The following ZNF681 variants were observed in gnomAD, a reference collection of about 807,000 sequenced individuals.
ZNF681 encodes the protein zinc finger protein 681, also known as hypothetical protein FLJ31526.
In ZNF681, 37 loss-of-function variants were observed where a neutral mutation model predicts 56.0. The ratio of observed to expected loss-of-function variants is 0.66; its 90% CI spans 0.51 to 0.87. The LOEUF is 0.87. ZNF681 is among the 40% of genes least tolerant of loss of function. ZNF681 has a pLI of 0.00. For missense variants in ZNF681, 741 were observed against 744.9 expected (o/e 0.99, Z 0.06); for synonymous variants, 225 against 248.6 (o/e 0.91, Z 0.89).
At chr19:23,752,518 TAC>T (rs10533813) in intron 3 of ZNF681, among the ~76,000 whole-genome samples, 148,970 of 152,244 alleles carry the variant, frequency 0.98, 72,976 homozygotes, top group Middle Eastern at 1. Flanking sequence ...CTCAACCATA[TAC>T]ACAGACCTGA....
rs543155600 is a variant in ZNF681, at chr19:23,747,405, C to T, written c.227-2082G>A. On this transcript the variant is annotated intron_variant, in intron 3 of 3. Coordinates refer to ENST00000402377, the MANE Select transcript of ZNF681 (RefSeq NM_138286.3). ...CTGTAATCCCAGCACTTTGGGAGGCCGAGGCGGGCGTATCACGAGGTCAGG... is the reference window on the plus strand; with the variant it reads ...CTGTAATCCCAGCACTTTGGGAGGCTGAGGCGGGCGTATCACGAGGTCAGG... Among the ~76,000 whole-genome samples, 9 of 151,736 alleles carry T rather than the reference C, an allele frequency of 5.9e-5. No homozygotes were observed. In the South Asian group the frequency reaches 6.3e-4, roughly 11 times the overall value.
rs758273742 is a variant in ZNF681, at chr19:23,744,918, G to A, written c.632C>T (p.Ser211Leu). The A allele has an allele frequency of 1.6e-5, 26 of 1,606,146 alleles. No homozygotes were observed. The South Asian group carries it at 2.8e-4, about 17-fold the overall frequency. Residue 211 changes from serine to leucine, a missense_variant, in exon 4 of 4, where the codon TCA (serine) becomes TTA (leucine). Transcript: ENST00000402377. ...AATTCTTTTATGTTTAGTAAAGATT[G>A]AGGATCCATTAAAGGCTTTTCCACA... is the stretch of plus-strand genomic sequence containing the variant. ...EDCGKAFNGS[S>L]IFTKHKRIHI... is the part of the protein sequence containing the mutation.
At chr19:23,753,088 G>A (rs912861263) in intron 3 of ZNF681, among the ~76,000 whole-genome samples, 5 of 91,556 alleles carry the variant, frequency 5.5e-5, no homozygotes, top group African/African-American at 3.9e-5. Context: ...TTAAGCTATC[G>A]GATAAAATAT....
chr19:23,746,507 A>T (rs1030616014), intron 3 of ZNF681, among the ~76,000 whole-genome samples: 1 of 152,138 alleles, frequency 6.6e-6, no homozygotes, highest in Non-Finnish European at 1.5e-5. Flanking sequence ...CAAGTGTGAA[A>T]TAAAGAAGCC....
chr19:23,744,138 A>G lies in ZNF681; in HGVS notation c.1412T>C (p.Ile471Thr). The G allele has an allele frequency of 6.2e-7, 1 of 1,612,910 alleles. No homozygotes were observed. ...TTTGTAGGGTTTCTCTCCAGTATGA[A>G]TTCTTTTATGTGTAGTAAGGTTTGA... ...QFSNLTTHKR[I>T]HTGEKPYKCE... Residue 471 changes from isoleucine (I) to threonine (T), a missense_variant, in exon 4 of 4, where the codon ATT becomes ACT. Coordinates refer to ENST00000402377, the MANE Select transcript of ZNF681 (RefSeq NM_138286.3).
chr19:23,756,182 G>A (rs1285630627), intron 1 of ZNF681, among the ~76,000 whole-genome samples: 2 of 151,788 alleles, frequency 1.3e-5, no homozygotes, highest in Non-Finnish European at 2.9e-5. Flanking sequence ...AAAATTAGCC[G>A]GGCATAGTGG....
intron 3 of ZNF681, among the ~76,000 whole-genome samples, chr19:23,751,391 G>C (rs967519290): frequency 1.3e-5 from 2 of 149,142 alleles, no homozygotes; most frequent in African/African-American, 4.9e-5. Context: ...CAGCAGAATT[G>C]CTTGAACTCT....
Position 23,743,449 on chromosome 19 carries a change from A to C in ZNF681, c.*163T>G. The stretch of plus-strand genomic sequence containing the variant: ...GGCTTTTTCACATTCTGTATATTTG[A>C]AATTTTTTTCTAGTACAAATGCTTT... On this transcript the variant is annotated 3_prime_UTR_variant, in exon 4 of 4. Coordinates refer to ENST00000402377, the MANE Select transcript of ZNF681 (RefSeq NM_138286.3). 2 of 566,542 alleles carry C rather than the reference A, an allele frequency of 3.5e-6. No homozygotes were observed. Among genetic ancestry groups the C allele is most frequent in the Non-Finnish European group, 5.7e-6 (2 of 353,036 alleles). The allele number at this position is 566,542 out of a possible 1,614,324, so 35.1% of individuals were successfully genotyped here. A position where few individuals can be genotyped will look rare whatever the true frequency, so the allele number is the denominator to read the frequency against.
chr19:23,757,530 GA>G (rs1176196576), intron 1 of ZNF681, among the ~76,000 whole-genome samples: 1 of 151,982 alleles, frequency 6.6e-6, no homozygotes, highest in African/African-American at 2.4e-5. Context: ...TGTAAGAATA[GA>G]AAACAAGTTG....
At chr19:23,747,414 C>T (rs62118599) in intron 3 of ZNF681, among the ~76,000 whole-genome samples, 6,445 of 151,674 alleles carry the variant, frequency 0.042, 206 homozygotes, top group South Asian at 0.16. Flanking sequence ...CCGAGGCGGG[C>T]GTATCACGAG....
chr19:23,747,572 G>A (rs1162112366), intron 3 of ZNF681, among the ~76,000 whole-genome samples: 1 of 149,794 alleles, frequency 6.7e-6, no homozygotes, highest in East Asian at 2.0e-4. Context: ...CCTGGGAGGC[G>A]GAGCTTGCAC....
intron 3 of ZNF681, among the ~76,000 whole-genome samples, chr19:23,746,821 C>A (rs1287440148): frequency 6.6e-6 from 1 of 152,188 alleles, no homozygotes; most frequent in Non-Finnish European, 1.5e-5. Flanking sequence ...CACAACAAGT[C>A]TTATTAAATT....
intron 3 of ZNF681, among the ~76,000 whole-genome samples, chr19:23,745,979 G>A (rs56030530): frequency 0.98 from 149,002 of 152,272 alleles, 72,995 homozygotes; most frequent in Middle Eastern, 1. Context: ...AACTTCAATT[G>A]TTTTGCATAC....
Position 23,743,059 on chromosome 19 carries a change from C to T in ZNF681, c.*553G>A, listed in dbSNP as rs867168833. The T allele has an allele frequency of 6.6e-6, 1 of 152,154 alleles. No homozygotes were observed. Among genetic ancestry groups the T allele is most frequent in the African/African-American group, 2.4e-5 (1 of 41,424 alleles). 9.4% of individuals were successfully genotyped at this position (152,154 alleles called of 1,614,324 possible). ...ATTAAATATTTTTTCATATTTACTG[C>T]ATCTGCAAAAATAGATTTTAGTATG... On this transcript the variant is annotated 3_prime_UTR_variant, in exon 4 of 4. Coordinates refer to ENST00000402377, the MANE Select transcript of ZNF681 (RefSeq NM_138286.3).
Position 23,744,315 on chromosome 19 carries a change from T to C in ZNF681, c.1235A>G (p.His412Arg), listed in dbSNP as rs199720168. The C allele has an allele frequency of 9.0e-5, 145 of 1,613,924 alleles. 1 individual carries two copies. The African/African-American group carries it at 1.9e-3, about 21-fold the overall frequency. The change falls in exon 4 of 4, where the codon CAT becomes CGT. Residue 412 changes from histidine to arginine, a missense_variant. Physicochemically the swap from His to Arg is conservative, Grantham distance 29. Transcript: ENST00000402377. ...TTTTTCTCCAGTATGAATGCTCTTA[T>C]GTCTAGTAAGGTGTGAGGACTTGTT... ...AFNKSSHLTRHKSIHTGEKPY... is the reference protein window; with the variant it reads ...AFNKSSHLTRRKSIHTGEKPY...
At chr19:23,748,075 G>A (rs1968971577) in intron 3 of ZNF681, among the ~76,000 whole-genome samples, 1 of 151,978 alleles carries the variant, frequency 6.6e-6, no homozygotes, top group Admixed American at 6.6e-5. Context: ...GAAATGACAT[G>A]ACGTTGTTCT....
chr19:23,745,019 T>A lies in ZNF681; in HGVS notation c.531A>T (p.Lys177Asn). 1.3e-6 allele frequency: 2 copies of A among 1,595,446 alleles called. No individual in the cohort carries two copies. Among genetic ancestry groups the A allele is most frequent in the Non-Finnish European group, 1.7e-6 (2 of 1,169,366 alleles). ...TTAGGTTTGAAAATATGCAAAATGA[T>A]TTGCCAAATTCTTTATATTTAAAAG... The part of the protein sequence containing the change: ...KKPFKYKEFG[K>N]SFCIFSNLTQ... The change falls in exon 4 of 4, where the codon AAA (lysine) becomes AAT (asparagine). Residue 177 changes from lysine (K) to asparagine (N), a missense_variant. Lys to Asn is a moderately conservative substitution (Grantham distance 94). Coordinates refer to ENST00000402377, the MANE Select transcript of ZNF681 (RefSeq NM_138286.3).
intron 3 of ZNF681, among the ~76,000 whole-genome samples, chr19:23,750,283 CAAA>C (rs74175768): frequency 3.1e-5 from 1 of 31,784 alleles, no homozygotes; most frequent in Non-Finnish European, 5.3e-5. Flanking sequence ...GACTCCAACT[CAAA>C]AAAAAAAAAA....
chr19:23,751,474 C>CAA (rs71165893), intron 3 of ZNF681, among the ~76,000 whole-genome samples: 11,416 of 122,426 alleles, frequency 0.093, 662 homozygotes, highest in Middle Eastern at 0.18. Flanking sequence ...GACTCCGTCT[C>CAA]AAAAAAAAAA....
Sources: allele counts gnomAD v4.1 joint callset (sites outside exome capture counted in the v4.1 genomes callset), GRCh38; gene constraint gnomAD v4.1.1; transcripts MANE v1.5; gene names NCBI Gene and HGNC (gene_info 2026-07-23, HGNC 2026-07-21).